Variants in LARGE1 observed in about 807,000 individuals in gnomAD.
The protein encoded by LARGE1 is LARGE xylosyl- and glucuronyltransferase 1, also known as xylosyl- and glucuronyltransferase LARGE1.
LARGE1 carries 43 observed loss-of-function variants against 87.6 expected under a neutral mutation model. The ratio of observed to expected loss-of-function variants is 0.49; its 90% CI spans 0.38 to 0.63. LARGE1 has a LOEUF of 0.63. Ranked by LOEUF, LARGE1 falls within the 30% of genes least tolerant of loss-of-function variation. The pLI is 0.00. For synonymous variants in LARGE1, 434 were observed against 394.6 expected, an observed-to-expected ratio of 1.10 and a Z score of -1.18; for missense variants, 802 against 1,000.2, an observed-to-expected ratio of 0.80 and a Z score of 2.67.
At chr22:33,425,753 A>G (rs941797570) in intron 7 of LARGE1, among the ~76,000 whole-genome samples, 4 of 152,142 alleles carry the variant, frequency 2.6e-5, no homozygotes, top group Admixed American at 2.6e-4. Context: ...TAAGATCTCT[A>G]ACATGCACAT....
At chr22:33,650,054 T>C (rs909848730) in intron 3 of LARGE1, among the ~76,000 whole-genome samples, 10 of 152,144 alleles carry the variant, frequency 6.6e-5, no homozygotes, top group Admixed American at 3.9e-4. Flanking sequence ...GACAGCTAGG[T>C]GTAGAAACCC....
At chr22:33,516,514 T>TA (rs1447584721) in intron 6 of LARGE1, among the ~76,000 whole-genome samples, 5 of 152,148 alleles carry the variant, frequency 3.3e-5, no homozygotes, top group African/African-American at 9.7e-5. Context: ...ATTATACAGC[T>TA]GGTCCTGCAT....
chr22:33,384,455 C>G, intron 7 of LARGE1, 151 bp from the exon 8 acceptor site: 1 of 649,992 alleles, frequency 1.5e-6, no homozygotes, highest in Non-Finnish European at 2.7e-6. Context: ...AGTCTTCCCT[C>G]TAAAAATTCT....
chr22:33,845,773 A>T (rs1256719406), intron 1 of LARGE1, among the ~76,000 whole-genome samples: 1 of 152,166 alleles, frequency 6.6e-6, no homozygotes, highest in Non-Finnish European at 1.5e-5. Context: ...TGATAATTAC[A>T]GCCTTGTTTC....
chr22:33,808,660 C>G (rs1021322767), intron 1 of LARGE1, among the ~76,000 whole-genome samples: 2 of 152,218 alleles, frequency 1.3e-5, no homozygotes, highest in African/African-American at 4.8e-5. Flanking sequence ...ACATGTGAGC[C>G]GGATCAATTT....
chr22:33,337,491 T>C (rs1376684173), intron 10 of LARGE1, among the ~76,000 whole-genome samples, 155 bp downstream of exon 10: 1 of 152,052 alleles, frequency 6.6e-6, no homozygotes, highest in African/African-American at 2.4e-5. Flanking sequence ...CTGATGTACC[T>C]CTCTCCCCGA....
At chr22:33,146,631 A>G in the LARGE1 span, among the ~76,000 whole-genome samples, 2 of 152,170 alleles carry the variant, frequency 1.3e-5, no homozygotes, top group African/African-American at 4.8e-5. Context: ...CACATATTCC[A>G]TGGTGGAGCA....
intron 1 of LARGE1, among the ~76,000 whole-genome samples, chr22:33,804,004 G>A (rs2086239117): frequency 1.3e-5 from 2 of 152,208 alleles, no homozygotes; most frequent in Non-Finnish European, 2.9e-5. Context: ...AAGGATGGCA[G>A]TCAGGATTGT....
At chr22:33,253,120 C>A (rs776418241) in intron 11 of LARGE1, among the ~76,000 whole-genome samples, 4 of 152,130 alleles carry the variant, frequency 2.6e-5, no homozygotes, top group Non-Finnish European at 2.9e-5. Flanking sequence ...GTGGAGACAG[C>A]GAATCAGGCT....
chr22:33,872,387 T>TATC lies in LARGE1; in HGVS notation c.-83+47607_-83+47608insGAT, dbSNP rs1304860264. On this transcript the variant is annotated intron_variant, in intron 1 of 14. Transcript: ENST00000397394. ...TTATTATTATTATTATTATTATTATTATTATTATTATTACTAGCACGATCT... is the reference window on the plus strand; with the variant it reads ...TTATTATTATTATTATTATTATTATTATCATTATTATTATTACTAGCACGATCT... Among the ~76,000 whole-genome samples the TATC allele has an allele frequency of 2.0e-5, 3 of 149,038 alleles. 1 individual carries two copies. Among genetic ancestry groups the TATC allele is most frequent in the African/African-American group, 7.4e-5 (3 of 40,800 alleles).
At chr22:33,894,253 T>C (rs756543939) in intron 1 of LARGE1, among the ~76,000 whole-genome samples, 136 of 152,178 alleles carry the variant, frequency 8.9e-4, no homozygotes, top group Admixed American at 4.6e-3. Context: ...GCAGATCACC[T>C]GTGGAGTTTT....
intron 6 of LARGE1, among the ~76,000 whole-genome samples, chr22:33,457,293 CTTTTTTTT>C (rs759460321): frequency 2.5e-4 from 19 of 74,934 alleles, no homozygotes; most frequent in African/African-American, 9.4e-4. Context: ...ACGCCTGGCT[CTTTTTTTT>C]TTTTTTTTTT....
intron 6 of LARGE1, among the ~76,000 whole-genome samples, chr22:33,477,560 C>T (rs1295516612): frequency 6.6e-6 from 1 of 152,004 alleles, no homozygotes; most frequent in African/African-American, 2.4e-5. Context: ...GTTCAGAATA[C>T]CCCCAAAGCT....
In LARGE1 at chr22:33,441,319, C is replaced by T. The variant is rs540907548; in HGVS notation, c.788-9054G>A. Among the ~76,000 whole-genome samples the T allele has an allele frequency of 2.4e-3, 363 of 152,164 alleles. 2 individuals carry two copies. The highest frequency in any genetic ancestry group is 7.6e-3 in the African/African-American group (317 of 41,494). On this transcript the variant is annotated intron_variant, in intron 6 of 14. Coordinates refer to ENST00000397394, the MANE Select transcript of LARGE1 (RefSeq NM_133642.5). ...GAACTCCTGACCTCAGGTGATCCGC[C>T]CACCTCGGCCTCCCAAAGTGCTGGG...
At chr22:33,801,097 T>A (rs958189185) in intron 1 of LARGE1, among the ~76,000 whole-genome samples, 1 of 152,076 alleles carries the variant, frequency 6.6e-6, no homozygotes, top group Non-Finnish European at 1.5e-5. Context: ...TTATCAGGGG[T>A]TTCCGCTTTT....
At chr22:33,388,416 A>G (rs1277472819) in intron 7 of LARGE1, among the ~76,000 whole-genome samples, 1 of 152,212 alleles carries the variant, frequency 6.6e-6, no homozygotes, top group Admixed American at 6.5e-5. Flanking sequence ...GCCATTACTG[A>G]GTCCACAGAT....
At chr22:33,844,297 G>A (rs953697021) in intron 1 of LARGE1, among the ~76,000 whole-genome samples, 6 of 152,132 alleles carry the variant, frequency 3.9e-5, no homozygotes, top group Non-Finnish European at 7.3e-5. Flanking sequence ...TCTAGCCCAG[G>A]AAGAGTCCCA....
chr22:33,854,202 C>A (rs1601782228), intron 1 of LARGE1, among the ~76,000 whole-genome samples: 3 of 102,760 alleles, frequency 2.9e-5, no homozygotes, highest in Admixed American at 1.4e-4. Flanking sequence ...ATTATAAATG[C>A]ACTTAAGGGG....
intron 2 of LARGE1, among the ~76,000 whole-genome samples, chr22:33,676,349 A>G (rs1227908052): frequency 7.2e-6 from 1 of 139,824 alleles, no homozygotes; most frequent in African/African-American, 2.6e-5. Flanking sequence ...AAACCTACAC[A>G]TCATATGTTA....
Sources: allele counts gnomAD v4.1 joint callset (sites outside exome capture counted in the v4.1 genomes callset), GRCh38; gene constraint gnomAD v4.1.1; transcripts MANE v1.5; gene names NCBI Gene and HGNC (gene_info 2026-07-23, HGNC 2026-07-21).